The following MYRIP variants were observed in gnomAD, a reference collection of about 807,000 sequenced individuals.
MYRIP encodes myosin VIIA and Rab interacting protein.
In MYRIP, 49 loss-of-function variants were observed where a neutral mutation model predicts 98.0. The observed-to-expected ratio is 0.50, with a 90% CI of 0.40 to 0.63. The LOEUF is 0.63. Ranked by LOEUF, MYRIP falls within the 30% of genes least tolerant of loss-of-function variation. The pLI is 0.00. For missense variants in MYRIP, 1,004 were observed against 1,058.2 expected (o/e 0.95, Z 0.71); for synonymous variants, 404 against 409.5 (o/e 0.99, Z 0.16).
intron 3 of MYRIP, among the ~76,000 whole-genome samples, chr3:40,127,401 G>T (rs1168599065): frequency 6.6e-6 from 1 of 152,188 alleles, no homozygotes; most frequent in Non-Finnish European, 1.5e-5. Context: ...ACCAGCCCAA[G>T]TTCTGGAGGC....
At chr3:39,946,136 A>G (rs982045198) in intron 2 of MYRIP, among the ~76,000 whole-genome samples, 2 of 152,186 alleles carry the variant, frequency 1.3e-5, no homozygotes, top group Admixed American at 1.3e-4. Flanking sequence ...TGACACAGAA[A>G]GATCAAATAC....
intron 1 of MYRIP, among the ~76,000 whole-genome samples, chr3:39,871,991 G>A (rs1942804600): frequency 6.6e-6 from 1 of 151,920 alleles, no homozygotes; most frequent in Non-Finnish European, 1.5e-5. Context: ...CACCATAGAT[G>A]CTTGAAGCTA....
chr3:40,190,866 A>G (rs1397556463), intron 10 of MYRIP, among the ~76,000 whole-genome samples: 1 of 152,190 alleles, frequency 6.6e-6, no homozygotes, highest in Admixed American at 6.5e-5. Flanking sequence ...AGGGATCTAG[A>G]GTCAGACTGC....
rs201971956 is a variant in MYRIP at position 40,258,205 on chromosome 3, G to A, written c.*39G>A. 6.2e-7 allele frequency: 1 copy of A among 1,613,410 alleles called. No individual in the cohort carries two copies. Among genetic ancestry groups the A allele is most frequent in the East Asian group, 2.2e-5 (1 of 44,878 alleles). ...CACTGCCAGTGACCCACTGCCTCCG[G>A]CCGTACACGACAGTGCCTTGACCCA... On this transcript the variant is annotated 3_prime_UTR_variant, in exon 17 of 17. Coordinates refer to ENST00000302541, the MANE Select transcript of MYRIP (RefSeq NM_015460.4).
chr3:40,204,543 A>C (rs1374493284), intron 10 of MYRIP, among the ~76,000 whole-genome samples: 3 of 151,900 alleles, frequency 2.0e-5, no homozygotes, highest in African/African-American at 7.3e-5. Flanking sequence ...ACTGCCTTAA[A>C]CTTCTCCATT....
intron 1 of MYRIP, among the ~76,000 whole-genome samples, chr3:39,835,365 G>T (rs1036149265): frequency 6.6e-6 from 1 of 151,872 alleles, no homozygotes; most frequent in African/African-American, 2.4e-5. Context: ...GGGGCGGGGG[G>T]TGTGGTGAGG....
intron 3 of MYRIP, among the ~76,000 whole-genome samples, chr3:40,118,517 T>G (rs930093826): frequency 7.9e-5 from 12 of 152,048 alleles, no homozygotes; most frequent in African/African-American, 2.9e-4. Context: ...TGCATGCCCC[T>G]AAACAGGAAT....
intron 3 of MYRIP, among the ~76,000 whole-genome samples, chr3:40,088,509 T>C (rs974307687): frequency 3.3e-5 from 5 of 152,216 alleles, no homozygotes; most frequent in African/African-American, 1.2e-4. Context: ...CTGTGCCAGG[T>C]ACCATGCTTG....
chr3:40,210,178 G>T, intron 11 of MYRIP, 85 bp downstream of exon 11: 1 of 1,484,290 alleles, frequency 6.7e-7, no homozygotes, highest in Non-Finnish European at 9.0e-7. Flanking sequence ...GCAGAAAGCT[G>T]CTGGGTCCCC....
intron 1 of MYRIP, among the ~76,000 whole-genome samples, chr3:39,885,471 T>C (rs931628051): frequency 2.0e-5 from 3 of 152,062 alleles, no homozygotes; most frequent in African/African-American, 7.2e-5. Context: ...GACAATTATG[T>C]GTCTTGGAGT....
At chr3:40,003,600 C>T (rs1223170691) in intron 2 of MYRIP, among the ~76,000 whole-genome samples, 1 of 152,134 alleles carries the variant, frequency 6.6e-6, no homozygotes, top group Non-Finnish European at 1.5e-5. Flanking sequence ...TGATCAGCTT[C>T]CCTTAATGCA....
In MYRIP at chr3:40,250,304, G is replaced by A. The variant is rs752170706; in HGVS notation, c.2345G>A (p.Arg782Gln). 9.9e-6 allele frequency: 16 copies of A among 1,613,932 alleles called. No individual in the cohort carries two copies. Among genetic ancestry groups the A allele is most frequent in the Admixed American group, 3.3e-5 (2 of 59,998 alleles). ...CCATGTGTGCGCTTCACAAGAAGAC[G>A]GGATCAGAAGCAAAGGACCCAGGTG... ...IAPCVRFTRR[R>Q]DQKQRTQVQT... Residue 782 changes from arginine to glutamine, a missense_variant, in exon 14 of 17, where the codon CGG (arginine) becomes CAG (glutamine). Coordinates refer to ENST00000302541, the MANE Select transcript of MYRIP (RefSeq NM_015460.4).
chr3:39,867,468 A>G (rs1212333031), intron 1 of MYRIP, among the ~76,000 whole-genome samples: 1 of 119,572 alleles, frequency 8.4e-6, no homozygotes, highest in African/African-American at 3.6e-5. Context: ...TATATAATGC[A>G]ATAGCAAAAA....
At chr3:39,869,024 T>C (rs1362049748) in intron 1 of MYRIP, among the ~76,000 whole-genome samples, 1 of 152,232 alleles carries the variant, frequency 6.6e-6, no homozygotes, top group Non-Finnish European at 1.5e-5. Flanking sequence ...TTGACTGTGA[T>C]GTGCCTAGGC....
intron 2 of MYRIP, among the ~76,000 whole-genome samples, chr3:40,039,570 T>C (rs1947463573): frequency 6.6e-6 from 1 of 152,074 alleles, no homozygotes; most frequent in Admixed American, 6.6e-5. Flanking sequence ...AAAAGGCCCA[T>C]TGGAGTAGAT....
At chr3:40,061,484 T>C (rs1010906061) in intron 3 of MYRIP, among the ~76,000 whole-genome samples, 5 of 152,252 alleles carry the variant, frequency 3.3e-5, no homozygotes, top group African/African-American at 7.2e-5. Flanking sequence ...CAGTCTGTCA[T>C]TGATGGGCAT....
At chr3:40,131,322 T>C (rs903248982) in intron 3 of MYRIP, among the ~76,000 whole-genome samples, 1 of 152,250 alleles carries the variant, frequency 6.6e-6, no homozygotes, top group African/African-American at 2.4e-5. Flanking sequence ...TTTTACTGTA[T>C]TTCTTCTAGC....
chr3:40,017,377 A>G lies in MYRIP; in HGVS notation c.111-26673A>G, dbSNP rs577052356. Among the ~76,000 whole-genome samples the G allele has an allele frequency of 1.5e-4, 23 of 152,332 alleles. No individual in the cohort carries two copies. The South Asian group carries it at 4.3e-3, about 29-fold the overall frequency. On this transcript the variant is annotated intron_variant, in intron 2 of 16. Transcript: ENST00000302541. ...CTGGAACTCTCCATAACCCTTGATCAGGTTCAATCCCTTTACTGAACGCAT... is the reference window on the plus strand; with the variant it reads ...CTGGAACTCTCCATAACCCTTGATCGGGTTCAATCCCTTTACTGAACGCAT...
intron 9 of MYRIP, 24 bp from the exon 10 acceptor site, chr3:40,189,802 T>C (rs1404333146): frequency 6.4e-7 from 1 of 1,574,280 alleles, no homozygotes; most frequent in East Asian, 2.2e-5. Context: ...CCCTCTCTGC[T>C]TTCTCTATCC....
Sources: gnomAD v4.1 joint callset for allele counts (sites outside exome capture counted in the v4.1 genomes callset) on GRCh38, gnomAD v4.1.1 for gene constraint, MANE v1.5 for transcripts, NCBI Gene and HGNC (gene_info 2026-07-23, HGNC 2026-07-21) for gene names.